The following MSRB3 variants were observed in gnomAD, a reference collection of about 807,000 sequenced individuals.
MSRB3 encodes the protein methionine-R-sulfoxide reductase B3.
MSRB3 carries 13 observed loss-of-function variants against 21.0 expected under a neutral mutation model. The ratio of observed to expected loss-of-function variants is 0.62; its 90% CI spans 0.40 to 0.98. MSRB3 has a LOEUF of 0.98. Ranked by LOEUF, MSRB3 falls within the 50% of genes least tolerant of loss-of-function variation. The pLI is 0.00. For missense variants in MSRB3, 199 were observed against 230.3 expected (o/e 0.86, Z 0.88); for synonymous variants, 87 against 88.6 (o/e 0.98, Z 0.10).
At chr12:65,353,672 T>G (rs1877190078) in intron 4 of MSRB3, among the ~76,000 whole-genome samples, 1 of 152,172 alleles carries the variant, frequency 6.6e-6, no homozygotes, top group African/African-American at 2.4e-5. Context: ...GTCTTGACTC[T>G]TTATCCAATT....
At chr12:65,346,857 T>G (rs1034549838) in intron 4 of MSRB3, among the ~76,000 whole-genome samples, 8 of 152,208 alleles carry the variant, frequency 5.3e-5, no homozygotes, top group Admixed American at 3.3e-4. Flanking sequence ...TTTCCCCATT[T>G]CTTGTTTTTG....
intron 5 of MSRB3, among the ~76,000 whole-genome samples, chr12:65,401,702 C>T (rs537665167): frequency 4.0e-5 from 6 of 151,804 alleles, no homozygotes; most frequent in East Asian, 3.9e-4. Flanking sequence ...TTCTTCATAG[C>T]GTTGATGGTC....
intron 1 of MSRB3, among the ~76,000 whole-genome samples, chr12:65,294,717 A>G (rs1872853446): frequency 6.6e-6 from 1 of 152,040 alleles, no homozygotes; most frequent in Admixed American, 6.6e-5. Flanking sequence ...TTTATATTTT[A>G]TGTTATGGAC....
intron 5 of MSRB3, among the ~76,000 whole-genome samples, chr12:65,395,698 C>T (rs1565871614): frequency 6.6e-6 from 1 of 152,060 alleles, no homozygotes; most frequent in Non-Finnish European, 1.5e-5. Context: ...TAGATATAAA[C>T]CTGTTCTGAT....
chr12:65,396,705 AAAGAAAG>A (rs1879821477), intron 5 of MSRB3, among the ~76,000 whole-genome samples: 8 of 12,188 alleles, frequency 6.6e-4, no homozygotes, highest in Non-Finnish European at 1.4e-3. Context: ...AAAAAAAAAA[AAAGAAAG>A]AAAGAAAGAA....
At chr12:65,412,471 G>A (rs1314823995) in intron 5 of MSRB3, among the ~76,000 whole-genome samples, 3 of 152,136 alleles carry the variant, frequency 2.0e-5, no homozygotes, top group Non-Finnish European at 4.4e-5. Flanking sequence ...AGTTAAGATT[G>A]AAAATGATGT....
chr12:65,460,748 T>C (rs886428497), intron 6 of MSRB3, among the ~76,000 whole-genome samples: 27 of 151,790 alleles, frequency 1.8e-4, no homozygotes, highest in African/African-American at 5.6e-4. Flanking sequence ...TTTTTTTTTT[T>C]TTTTTGCCTT....
chr12:65,317,255 A>G (rs1314304403), intron 2 of MSRB3, among the ~76,000 whole-genome samples: 1 of 152,304 alleles, frequency 6.6e-6, no homozygotes, highest in African/African-American at 2.4e-5. Flanking sequence ...GAGAAACCCT[A>G]CATACTACCC....
chr12:65,409,381 A>T (rs996038069), intron 5 of MSRB3, among the ~76,000 whole-genome samples: 2 of 152,128 alleles, frequency 1.3e-5, no homozygotes, highest in African/African-American at 4.8e-5. Flanking sequence ...ACAAATCTGT[A>T]TACCATATTA....
chr12:65,410,283 T>C (rs1045798471), intron 5 of MSRB3, among the ~76,000 whole-genome samples: 1 of 152,204 alleles, frequency 6.6e-6, no homozygotes, highest in Non-Finnish European at 1.5e-5. Context: ...TTTATTTATG[T>C]TGTTTTCTGT....
intron 1 of MSRB3, among the ~76,000 whole-genome samples, chr12:65,300,584 G>A (rs1447273042): frequency 6.6e-6 from 1 of 152,110 alleles, no homozygotes; most frequent in African/African-American, 2.4e-5. Flanking sequence ...TTCAAATTCT[G>A]GCTCCATAAT....
At chr12:65,393,790 A>T (rs947541483) in intron 5 of MSRB3, among the ~76,000 whole-genome samples, 2 of 152,136 alleles carry the variant, frequency 1.3e-5, no homozygotes, top group African/African-American at 4.8e-5. Flanking sequence ...TAAAATACAG[A>T]AAATCTCCCG....
intron 1 of MSRB3, among the ~76,000 whole-genome samples, chr12:65,297,715 A>G (rs1873061736): frequency 6.6e-6 from 1 of 152,152 alleles, no homozygotes; most frequent in Non-Finnish European, 1.5e-5. Flanking sequence ...GTAGGTTCTA[A>G]TGAGCCATAG....
At chr12:65,302,120 A>C (rs550613185) in intron 1 of MSRB3, among the ~76,000 whole-genome samples, 2 of 152,190 alleles carry the variant, frequency 1.3e-5, no homozygotes, top group East Asian at 3.9e-4. Flanking sequence ...ATATCTAAAA[A>C]GTTTCTCAGC....
At chr12:65,283,796 A>G (rs1872184092) in intron 1 of MSRB3, 1 of 152,146 alleles carries the variant, frequency 6.6e-6, no homozygotes, top group Non-Finnish European at 1.5e-5. Flanking sequence ...ACTTTTTCAG[A>G]TACTCTGATG....
chr12:65,294,409 T>C (rs1263280141), intron 1 of MSRB3, among the ~76,000 whole-genome samples: 3 of 152,252 alleles, frequency 2.0e-5, no homozygotes, highest in South Asian at 2.1e-4. Flanking sequence ...CTCTGCACGA[T>C]AGCAGCAGTT....
chr12:65,449,177 C>T (rs1429626934), intron 5 of MSRB3, among the ~76,000 whole-genome samples: 3 of 150,086 alleles, frequency 2.0e-5, no homozygotes, highest in Non-Finnish European at 1.5e-5. Flanking sequence ...TACAGGCAGC[C>T]CCCACCACGC....
intron 5 of MSRB3, among the ~76,000 whole-genome samples, chr12:65,406,281 A>G (rs1344202707): frequency 2.6e-5 from 4 of 152,214 alleles, no homozygotes; most frequent in Admixed American, 1.3e-4. Flanking sequence ...TCATTCTGCC[A>G]CATGGCTATA....
intron 5 of MSRB3, among the ~76,000 whole-genome samples, chr12:65,445,733 C>T (rs1399849025): frequency 1.3e-5 from 2 of 151,358 alleles, no homozygotes; most frequent in African/African-American, 2.4e-5. Context: ...GCAACTGCCA[C>T]CTCCAAGGTT....
Sources: gnomAD v4.1 joint callset for allele counts (sites outside exome capture counted in the v4.1 genomes callset) on GRCh38, gnomAD v4.1.1 for gene constraint, MANE v1.5 for transcripts, NCBI Gene and HGNC (gene_info 2026-07-23, HGNC 2026-07-21) for gene names.